ZNF331: variants seen among roughly 807,000 people sequenced by gnomAD.
ZNF331 encodes the protein zinc finger protein 331.
ZNF331 carries 2 observed loss-of-function variants against 7.0 expected under a neutral mutation model. The observed-to-expected ratio is 0.29, with a 90% CI of 0.12 to 0.90. ZNF331 has a LOEUF of 0.90. Ranked by LOEUF, ZNF331 falls within the 40% of genes least tolerant of loss-of-function variation. The pLI, the probability that ZNF331 is intolerant of heterozygous loss-of-function variation, is 0.58. For missense variants in ZNF331, 432 were observed against 587.7 expected, an observed-to-expected ratio of 0.74 and a Z score of 2.74; for synonymous variants, 196 against 205.4, an observed-to-expected ratio of 0.95 and a Z score of 0.39.
intron 2 of ZNF331, among the ~76,000 whole-genome samples, chr19:53,543,558 C>T (rs568382699): frequency 3.4e-4 from 51 of 152,204 alleles, no homozygotes; most frequent in Middle Eastern, 3.4e-3. Context: ...TGAGCCACCA[C>T]GCCCAGCCTT....
chr19:53,572,179 G>A (rs16985044), intron 5 of ZNF331, among the ~76,000 whole-genome samples: 54,497 of 151,988 alleles, frequency 0.36, 10,353 homozygotes, highest in African/African-American at 0.47. Context: ...CAGAATTTGT[G>A]TAAAACCAAA....
chr19:53,569,746 C>T (rs147891542), intron 4 of ZNF331, among the ~76,000 whole-genome samples: 7 of 152,138 alleles, frequency 4.6e-5, no homozygotes, highest in South Asian at 2.1e-4. Context: ...ATGTTTTCTG[C>T]GTAGATAAGA....
In ZNF331 at chr19:53,577,346, G is replaced by C; in HGVS notation, c.786G>C (p.Lys262Asn). 6.2e-7 allele frequency: 1 copy of C among 1,611,192 alleles called. No individual in the cohort carries two copies. Among genetic ancestry groups the C allele is most frequent in the Non-Finnish European group, 8.5e-7 (1 of 1,179,170 alleles). ...GTGTGTATAAACTTATTCAGCACAA[G>C]AGAATTCATAGTGGGGAGAAGCCTT... ...FSRVYKLIQH[K>N]RIHSGEKPYE... The change falls in exon 6 of 6, where the codon AAG becomes AAC. Residue 262 changes from lysine (K) to asparagine (N), a missense_variant. By Grantham distance (94) the Lys-to-Asn change is moderately conservative. Around this residue, in one of 3 missense-constraint regions of ZNF331, gnomAD observed 312 missense variants for 448.6 expected, o/e 0.70. Transcript: ENST00000449416.
At chr19:53,525,127 TCTGTTTTGGTACCATTACCATG>T (rs1023622683) in intron 2 of ZNF331, among the ~76,000 whole-genome samples, 1 of 152,198 alleles carries the variant, frequency 6.6e-6, no homozygotes. Context: ...GGTCTATATC[TCTGTTTTGGTACCATTACCATG>T]CTGTTTTGGT....
intron 3 of ZNF331, among the ~76,000 whole-genome samples, chr19:53,556,155 A>AT (rs1216647773): frequency 1.3e-5 from 2 of 150,734 alleles, no homozygotes; most frequent in Non-Finnish European, 3.0e-5. Context: ...AGGCAGGAGA[A>AT]TGGCGGGAAC....
At chr19:53,570,309 G>T (rs1328909733) in intron 4 of ZNF331, among the ~76,000 whole-genome samples, 2 of 151,208 alleles carry the variant, frequency 1.3e-5, no homozygotes, top group African/African-American at 4.9e-5. Flanking sequence ...GTTATGGATG[G>T]TAATAAATAT....
At chr19:53,536,032 G>A (rs1298802312), upstream of ZNF331, among the ~76,000 whole-genome samples, 1 of 152,126 alleles carries the variant, frequency 6.6e-6, no homozygotes, top group Non-Finnish European at 1.5e-5. Context: ...TTGAACTTCT[G>A]ACCTCAAGTG....
At chr19:53,528,177 C>T (rs1174952631) in intron 2 of ZNF331, among the ~76,000 whole-genome samples, 1 of 152,186 alleles carries the variant, frequency 6.6e-6, no homozygotes, top group East Asian at 1.9e-4. Flanking sequence ...CTCTATTTCC[C>T]TAGTTGCTGG....
chr19:53,574,025 A>G (rs2090587571), intron 5 of ZNF331, among the ~76,000 whole-genome samples: 1 of 152,086 alleles, frequency 6.6e-6, no homozygotes, highest in Non-Finnish European at 1.5e-5. Flanking sequence ...GTGAGGCAGG[A>G]GAATTGCTGG....
intron 3 of ZNF331, among the ~76,000 whole-genome samples, chr19:53,561,698 A>G (rs2089895332): frequency 6.6e-6 from 1 of 152,116 alleles, no homozygotes; most frequent in Non-Finnish European, 1.5e-5. Flanking sequence ...CCAAAAATTT[A>G]AAAAATTAGC....
chr19:53,560,785 C>T lies in ZNF331; in HGVS notation c.-74+4877C>T, dbSNP rs1372982414. On this transcript the variant is annotated intron_variant, in intron 3 of 5. Coordinates refer to ENST00000449416, the MANE Select transcript of ZNF331 (RefSeq NM_001079906.2). This position sits in a 1 kb window ranked among gnomAD's most constrained non-coding sequence, Gnocchi z 4.3. ...TCCGTCACACCACTCTGACCCTCCT[C>T]CTCTAAGTTTAAGGACTCTGGTCAT... is the stretch of plus-strand genomic sequence containing the variant. Among the ~76,000 whole-genome samples, 1 of 152,152 alleles carries T rather than the reference C, an allele frequency of 6.6e-6. No individual in the cohort carries two copies. Among genetic ancestry groups the T allele is most frequent in the Admixed American group, 6.5e-5 (1 of 15,278 alleles).
chr19:53,563,709 G>A (rs1488074597), intron 3 of ZNF331: 1 of 151,990 alleles, frequency 6.6e-6, no homozygotes, highest in Non-Finnish European at 1.5e-5. Flanking sequence ...GTTGTAGATA[G>A]ATTATCTTAG....
chr19:53,540,134 G>T (rs11672776), intron 2 of ZNF331, among the ~76,000 whole-genome samples: 1 of 152,048 alleles, frequency 6.6e-6, no homozygotes, highest in Non-Finnish European at 1.5e-5. Flanking sequence ...TTTATTGAGC[G>T]CATTTTTGTA....
chr19:53,577,139 G>C lies in ZNF331; in HGVS notation c.579G>C (p.Gly193=), dbSNP rs1252733368. 1 of 1,614,196 alleles carries C rather than the reference G, an allele frequency of 6.2e-7. No homozygotes were observed. The highest frequency in any genetic ancestry group is 2.2e-5 in the East Asian group (1 of 44,886). The change falls in exon 6 of 6, where the codon GGG becomes GGC. Residue 193 remains glycine, a synonymous_variant. Transcript: ENST00000449416. ...GEKPYECKDC[G]KAFRWGSSLV... is the part of the protein sequence containing the mutation. ...AGCCCTACGAATGTAAAGACTGTGG[G>C]AAGGCTTTTCGATGGGGCTCAAGCC...
upstream of ZNF331, among the ~76,000 whole-genome samples, chr19:53,517,727 C>T (rs1018048668): frequency 3.9e-5 from 6 of 152,160 alleles, no homozygotes; most frequent in African/African-American, 1.4e-4. Context: ...AAGAAAGAAG[C>T]CAGTAGTGGC....
intron 2 of ZNF331, chr19:53,523,289 G>A (rs1422191601): frequency 6.6e-6 from 1 of 151,184 alleles, no homozygotes; most frequent in Non-Finnish European, 1.5e-5. Flanking sequence ...CATGATCTCA[G>A]CTCACTGGAA....
chr19:53,574,775 C>T (rs1056139693), intron 5 of ZNF331, among the ~76,000 whole-genome samples: 1 of 152,228 alleles, frequency 6.6e-6, no homozygotes, highest in Non-Finnish European at 1.5e-5. Context: ...TCAAATGGTG[C>T]GCGCCTATCA....
At chr19:53,556,394 A>G (rs926294759) in intron 3 of ZNF331, among the ~76,000 whole-genome samples, 1 of 151,770 alleles carries the variant, frequency 6.6e-6, no homozygotes, top group Admixed American at 6.6e-5. Context: ...TCTCTTGTCT[A>G]TTTTGCACAC....
intron 3 of ZNF331, among the ~76,000 whole-genome samples, chr19:53,561,165 T>C (rs535395753): frequency 6.6e-6 from 1 of 152,200 alleles, no homozygotes; most frequent in South Asian, 2.1e-4. Context: ...AAAATATATG[T>C]GCACACATAC....
Sources: allele counts gnomAD v4.1 joint callset (sites outside exome capture counted in the v4.1 genomes callset), GRCh38; gene constraint gnomAD v4.1.1; regional missense constraint gnomAD v4.1.1; non-coding constraint Gnocchi (gnomAD v3.1); transcripts MANE v1.5; gene names NCBI Gene and HGNC (gene_info 2026-07-23, HGNC 2026-07-21).